Variants in ATXN1 observed in about 807,000 individuals in gnomAD.
The protein encoded by ATXN1 is ataxin 1.
A neutral mutation model predicts 56.4 loss-of-function variants in ATXN1; 8 were observed. The ratio of observed to expected loss-of-function variants is 0.14; its 90% CI spans 0.08 to 0.26. The LOEUF (loss-of-function observed/expected upper bound fraction) is 0.26. ATXN1 is among the 10% of genes least tolerant of loss of function. The pLI is 1.00. For synonymous variants in ATXN1, 514 were observed against 494.6 expected (o/e 1.04, Z -0.52); for missense variants, 987 against 1,106.5 (o/e 0.89, Z 1.53).
chr6:16,552,181 T>A (rs759497040), intron 4 of ATXN1, among the ~76,000 whole-genome samples: 45 of 152,170 alleles, frequency 3.0e-4, no homozygotes, highest in Non-Finnish European at 5.7e-4. Context: ...CTAGAAACAA[T>A]TAAAGTCCAG....
At chr6:16,315,524 G>A (rs936256420) in intron 7 of ATXN1, among the ~76,000 whole-genome samples, 4 of 151,944 alleles carry the variant, frequency 2.6e-5, no homozygotes, top group African/African-American at 7.3e-5. Context: ...CCCCTCTTGC[G>A]CCTTCCGTCT....
intron 6 of ATXN1, among the ~76,000 whole-genome samples, chr6:16,351,033 G>C (rs1006541848): frequency 6.6e-6 from 1 of 152,160 alleles, no homozygotes; most frequent in Non-Finnish European, 1.5e-5. Flanking sequence ...AAGCTGCATT[G>C]AGCTGAGATC....
Position 16,598,950 on chromosome 6 carries a change from C to T in ATXN1, c.-488-13043G>A, listed in dbSNP as rs150741738. Among the ~76,000 whole-genome samples the T allele has an allele frequency of 5.4e-3, 825 of 152,306 alleles. 6 individuals are homozygous for T. The highest frequency in any genetic ancestry group is 0.02 in the Middle Eastern group (6 of 294). Reference sequence around the variant, plus strand: ...GAGGGGTTCATGTGCATCTGGACAGCTTTACCCCAAGGGCACCTGCAAGGT... The same window carrying T: ...GAGGGGTTCATGTGCATCTGGACAGTTTTACCCCAAGGGCACCTGCAAGGT... On this transcript the variant is annotated intron_variant, in intron 3 of 7. Transcript: ENST00000436367.
chr6:16,740,970 G>A (rs1760320675), intron 2 of ATXN1, among the ~76,000 whole-genome samples: 1 of 152,202 alleles, frequency 6.6e-6, no homozygotes, highest in African/African-American at 2.4e-5. Flanking sequence ...ACTCAGTTAA[G>A]CAAAGACATG....
intron 6 of ATXN1, among the ~76,000 whole-genome samples, chr6:16,479,853 T>C (rs60000645): frequency 6.1e-4 from 93 of 152,228 alleles, no homozygotes; most frequent in African/African-American, 2.0e-3. Flanking sequence ...AACTTTTACA[T>C]ATAAAGATCC....
At chr6:16,470,099 G>A (rs1034690261) in intron 6 of ATXN1, among the ~76,000 whole-genome samples, 1 of 152,144 alleles carries the variant, frequency 6.6e-6, no homozygotes, top group Non-Finnish European at 1.5e-5. Flanking sequence ...ACTGATAGAT[G>A]AAGGATAAGC....
At chr6:16,462,794 C>G (rs906106688) in intron 6 of ATXN1, among the ~76,000 whole-genome samples, 1 of 152,160 alleles carries the variant, frequency 6.6e-6, no homozygotes. Context: ...TAATTACACT[C>G]TCCAACTTCA....
chr6:16,593,351 T>G (rs1203557165), intron 3 of ATXN1, among the ~76,000 whole-genome samples: 1 of 152,170 alleles, frequency 6.6e-6, no homozygotes, highest in Non-Finnish European at 1.5e-5. Flanking sequence ...AAAGAGAATG[T>G]TAGGAAATAG....
intron 3 of ATXN1, among the ~76,000 whole-genome samples, chr6:16,649,897 G>A (rs2299061): frequency 0.45 from 68,081 of 151,764 alleles, 15,808 homozygotes; most frequent in South Asian, 0.55. Flanking sequence ...AGCTATATGA[G>A]CAGAAAATTG....
chr6:16,342,798 C>A (rs972202877), intron 6 of ATXN1, among the ~76,000 whole-genome samples: 1 of 152,142 alleles, frequency 6.6e-6, no homozygotes, highest in Non-Finnish European at 1.5e-5. Context: ...ATATGATTCC[C>A]CTTCTATGAG....
At chr6:16,624,328 G>A (rs143857059) in intron 3 of ATXN1, among the ~76,000 whole-genome samples, 1 of 150,676 alleles carries the variant, frequency 6.6e-6, no homozygotes, top group East Asian at 1.9e-4. Context: ...TCCAGCCTGG[G>A]GGATGAGAGC....
intron 6 of ATXN1, among the ~76,000 whole-genome samples, chr6:16,411,346 T>C (rs942615662): frequency 2.0e-5 from 3 of 152,092 alleles, no homozygotes; most frequent in African/African-American, 7.2e-5. Context: ...CATATGACTT[T>C]AATATTGATA....
chr6:16,481,501 T>C (rs549468654), intron 6 of ATXN1, among the ~76,000 whole-genome samples: 1 of 152,314 alleles, frequency 6.6e-6, no homozygotes, highest in Non-Finnish European at 1.5e-5. Flanking sequence ...GAGGTATTTA[T>C]TTTAGTCTCT....
intron 6 of ATXN1, among the ~76,000 whole-genome samples, chr6:16,446,071 T>C (rs1306832733): frequency 2.0e-5 from 3 of 151,726 alleles, no homozygotes; most frequent in Non-Finnish European, 4.4e-5. Flanking sequence ...ATGGTATTTC[T>C]AGTTCTAGAT....
At chr6:16,600,370 T>C (rs953370428) in intron 3 of ATXN1, among the ~76,000 whole-genome samples, 1 of 152,226 alleles carries the variant, frequency 6.6e-6, no homozygotes, top group African/African-American at 2.4e-5. Flanking sequence ...TGTATAATAA[T>C]GTTAAATAGC....
intron 7 of ATXN1, among the ~76,000 whole-genome samples, chr6:16,309,244 A>AAAT (rs1171252725): frequency 8.8e-5 from 13 of 148,070 alleles, no homozygotes; most frequent in South Asian, 2.1e-4. Context: ...AAAAAAAAAT[A>AAAT]AATAATAATA....
intron 6 of ATXN1, among the ~76,000 whole-genome samples, chr6:16,411,094 C>T (rs1429418993): frequency 1.5e-5 from 2 of 137,678 alleles, no homozygotes; most frequent in African/African-American, 5.5e-5. Context: ...CACGGCACTC[C>T]AGCCTGGGTG....
intron 6 of ATXN1, among the ~76,000 whole-genome samples, chr6:16,409,410 T>C (rs1002069844): frequency 2.0e-5 from 3 of 152,098 alleles, no homozygotes; most frequent in African/African-American, 7.2e-5. Flanking sequence ...CAAAGCACTT[T>C]GGGAGGCAGA....
intron 6 of ATXN1, among the ~76,000 whole-genome samples, chr6:16,430,726 C>CGTGT (rs151260593): frequency 6.7e-5 from 10 of 150,128 alleles, no homozygotes; most frequent in South Asian, 6.3e-4. Context: ...TGTGTGTGCG[C>CGTGT]GTGTGTGTGT....
Sources: allele counts gnomAD v4.1 joint callset (sites outside exome capture counted in the v4.1 genomes callset), GRCh38; gene constraint gnomAD v4.1.1; transcripts MANE v1.5; gene names NCBI Gene and HGNC (gene_info 2026-07-23, HGNC 2026-07-21).